The following CDH18 variants were observed in gnomAD, a reference collection of about 807,000 sequenced individuals.
The protein encoded by CDH18 is cadherin-18.
CDH18 carries 31 observed loss-of-function variants against 67.9 expected under a neutral mutation model. The ratio of observed to expected loss-of-function variants is 0.46; its 90% CI spans 0.34 to 0.62. The LOEUF (loss-of-function observed/expected upper bound fraction) is 0.62, where lower values mean the gene tolerates loss of function less well. Among genes scored for constraint, CDH18 ranks in the 20% least tolerant of loss-of-function variants. CDH18 has a pLI of 0.01. For synonymous variants in CDH18, 362 were observed against 347.2 expected, an observed-to-expected ratio of 1.04 and a Z score of -0.48; for missense variants, 890 against 975.5, an observed-to-expected ratio of 0.91 and a Z score of 1.17.
chr5:19,938,306 A>G (rs1794487123), intron 2 of CDH18, among the ~76,000 whole-genome samples: 1 of 151,176 alleles, frequency 6.6e-6, no homozygotes, highest in Non-Finnish European at 1.5e-5. Flanking sequence ...TTCTGCTCAT[A>G]TCCTTTAGAC....
rs771938347 is a variant in CDH18, at chr5:19,483,524, C to G, written c.1659G>C (p.Arg553=). 6.2e-7 allele frequency: 1 copy of G among 1,612,922 alleles called. No individual in the cohort carries two copies. The highest frequency in any genetic ancestry group is 8.5e-7 in the Non-Finnish European group (1 of 1,179,406). The change falls in exon 12 of 13, where the codon CGG becomes CGC. Residue 553 remains arginine (R), a synonymous_variant. Transcript: ENST00000382275. The part of the protein sequence containing the change: ...EDNTASILTR[R]RRFSRTVQDV... ...CCTGAACAGTTCGACTAAATCTCCT[C>G]CGCCTTGTCAGAATGCTGGCTGTGT...
At chr5:20,184,033 T>G (rs1392013605) in intron 2 of CDH18, among the ~76,000 whole-genome samples, 2 of 152,106 alleles carry the variant, frequency 1.3e-5, no homozygotes, top group African/African-American at 4.8e-5. Flanking sequence ...ATCAGTGTTC[T>G]TAAATCCTTG....
chr5:19,777,096 A>G (rs1165163889), intron 3 of CDH18, among the ~76,000 whole-genome samples: 2 of 152,136 alleles, frequency 1.3e-5, no homozygotes, highest in African/African-American at 4.8e-5. Context: ...CATGTCCAAC[A>G]TGGTAAAACC....
At chr5:20,353,428 G>A (rs983328941) in intron 1 of CDH18, among the ~76,000 whole-genome samples, 10 of 152,170 alleles carry the variant, frequency 6.6e-5, no homozygotes, top group African/African-American at 1.9e-4. Context: ...AATGAATTAA[G>A]TGAAATCAGA....
chr5:20,525,820 A>G (rs1756017584), intron 1 of CDH18, among the ~76,000 whole-genome samples: 1 of 152,084 alleles, frequency 6.6e-6, no homozygotes, highest in Non-Finnish European at 1.5e-5. Context: ...ACACACACAC[A>G]CACACACACA....
chr5:20,339,326 C>G (rs1740049451), intron 1 of CDH18, among the ~76,000 whole-genome samples: 1 of 152,132 alleles, frequency 6.6e-6, no homozygotes, highest in South Asian at 2.1e-4. Context: ...AATTTTAACA[C>G]CATCCAGCAG....
At chr5:19,831,763 C>A (rs1355413085) in intron 3 of CDH18, among the ~76,000 whole-genome samples, 1 of 151,878 alleles carries the variant, frequency 6.6e-6, no homozygotes, top group African/African-American at 2.4e-5. Flanking sequence ...TATACCCCCT[C>A]CCCCAAAATA....
Position 19,612,430 on chromosome 5 carries a change from G to A in CDH18, c.811+4C>T, listed in dbSNP as rs115601313. The A allele has an allele frequency of 0.02, 32,920 of 1,612,948 alleles. 418 individuals carry two copies. Among genetic ancestry groups the A allele is most frequent in the Non-Finnish European group, 0.024 (28,803 of 1,179,296 alleles). The stretch of plus-strand genomic sequence containing the variant: ...AATTCAAATCATGGAAAACAAATAC[G>A]TACTTTGAGGAAAGCGTGGTGGGTT... On this transcript the variant is annotated splice_donor_region_variant and intron_variant, in intron 6 of 12. Transcript: ENST00000382275.
At chr5:20,359,883 T>C (rs1741948912) in intron 1 of CDH18, among the ~76,000 whole-genome samples, 1 of 151,892 alleles carries the variant, frequency 6.6e-6, no homozygotes, top group African/African-American at 2.4e-5. Context: ...GTTAGAAAGT[T>C]ATTATTATTT....
chr5:19,806,020 C>T (rs1777997587), intron 3 of CDH18, among the ~76,000 whole-genome samples: 1 of 152,254 alleles, frequency 6.6e-6, no homozygotes, highest in Admixed American at 6.5e-5. Flanking sequence ...TTCTCAGGCC[C>T]ACTTCTAACA....
rs1246632841 is a variant in CDH18 at position 20,036,974 on chromosome 5, T to C, written c.-517-44960A>G. Among the ~76,000 whole-genome samples, 7 of 152,186 alleles carry C rather than the reference T, an allele frequency of 4.6e-5. No individual in the cohort carries two copies. In the East Asian group the frequency reaches 1.2e-3, roughly 25 times the overall value. ...TTGCTTTCCATTTGCTTGGTAAATA[T>C]TCCTCCATCCCTTTATTTTGAGCCT... On this transcript the variant is annotated intron_variant, in intron 2 of 14. Transcript: ENST00000507958.
At chr5:20,049,659 G>A (rs920368197) in intron 2 of CDH18, among the ~76,000 whole-genome samples, 1 of 151,576 alleles carries the variant, frequency 6.6e-6, no homozygotes, top group Admixed American at 6.6e-5. Context: ...TTGGCTTCAC[G>A]GTAATATTTT....
intron 7 of CDH18, among the ~76,000 whole-genome samples, chr5:19,586,436 C>T (rs1291100322): frequency 2.6e-5 from 4 of 152,114 alleles, no homozygotes; most frequent in Non-Finnish European, 4.4e-5. Context: ...TTAGCTCCCA[C>T]TTATAAGTCA....
At chr5:20,248,156 A>T (rs1269341626) in intron 2 of CDH18, among the ~76,000 whole-genome samples, 1 of 152,198 alleles carries the variant, frequency 6.6e-6, no homozygotes, top group Non-Finnish European at 1.5e-5. Context: ...AAGAAATTGA[A>T]GATTTTGTTA....
chr5:19,727,706 A>C (rs566632680), intron 4 of CDH18, among the ~76,000 whole-genome samples: 3 of 126,126 alleles, frequency 2.4e-5, no homozygotes, highest in African/African-American at 7.5e-5. Flanking sequence ...GGGCAAAACT[A>C]TGAAGTTAAA....
At chr5:20,121,872 A>C (rs1360366076) in intron 2 of CDH18, among the ~76,000 whole-genome samples, 3 of 152,102 alleles carry the variant, frequency 2.0e-5, no homozygotes, top group African/African-American at 7.2e-5. Context: ...TCAAAACAAG[A>C]CCACAAAAAC....
intron 2 of CDH18, among the ~76,000 whole-genome samples, chr5:20,010,999 C>G (rs79094628): frequency 6.6e-6 from 1 of 152,118 alleles, no homozygotes; most frequent in Non-Finnish European, 1.5e-5. Flanking sequence ...ATCCCCTGCA[C>G]GCACACATCA....
At chr5:20,309,261 T>C (rs1383646102) in intron 1 of CDH18, among the ~76,000 whole-genome samples, 5 of 152,174 alleles carry the variant, frequency 3.3e-5, no homozygotes, top group African/African-American at 7.2e-5. Flanking sequence ...TTGGCAAATA[T>C]ATTTCCTCCC....
intron 1 of CDH18, among the ~76,000 whole-genome samples, chr5:20,508,244 A>G (rs899388159): frequency 1.5e-4 from 23 of 150,088 alleles, no homozygotes; most frequent in African/African-American, 5.4e-4. Flanking sequence ...CAGAAATTCA[A>G]CAAATACTAG....
Sources: gnomAD v4.1 joint callset for allele counts (sites outside exome capture counted in the v4.1 genomes callset) on GRCh38, gnomAD v4.1.1 for gene constraint, MANE v1.5 for transcripts, NCBI Gene and HGNC (gene_info 2026-07-23, HGNC 2026-07-21) for gene names.